The following LYPLAL1 variants were observed in gnomAD, a reference collection of about 807,000 sequenced individuals.
LYPLAL1 encodes the protein lysophospholipase-like protein 1.
LYPLAL1 carries 23 observed loss-of-function variants against 19.7 expected under a neutral mutation model. The observed-to-expected ratio is 1.17, with a 90% CI of 0.84 to 1.65. The LOEUF is 1.65. LYPLAL1 is among the 40% of genes most tolerant of loss of function. LYPLAL1 has a pLI of 0.00. For synonymous variants in LYPLAL1, 119 were observed against 96.3 expected, an observed-to-expected ratio of 1.24 and a Z score of -1.38; for missense variants, 355 against 279.4, an observed-to-expected ratio of 1.27 and a Z score of -1.93.
the LYPLAL1 span, among the ~76,000 whole-genome samples, chr1:219,387,965 G>A: frequency 6.6e-6 from 1 of 152,112 alleles, no homozygotes; most frequent in South Asian, 2.1e-4. Context: ...TTCTCCATCA[G>A]CCTTAGCCTA....
intron 1 of LYPLAL1, chr1:219,175,190 G>T (rs959228080): frequency 2.7e-6 from 2 of 742,458 alleles, no homozygotes; most frequent in Admixed American, 1.3e-4. Context: ...GCGGATTTGG[G>T]ATTAGAACCC....
chr1:219,381,718 AT>A, the LYPLAL1 span, among the ~76,000 whole-genome samples: 9 of 152,358 alleles, frequency 5.9e-5, no homozygotes, highest in African/African-American at 2.2e-4. Flanking sequence ...TATATCTGAA[AT>A]TAATATTATG....
chr1:219,438,729 T>C, the LYPLAL1 span, among the ~76,000 whole-genome samples: 1 of 152,154 alleles, frequency 6.6e-6, no homozygotes, highest in African/African-American at 2.4e-5. Flanking sequence ...CAGCAAAAGA[T>C]CACAAGGCAT....
chr1:219,309,063 T>C, the LYPLAL1 span, among the ~76,000 whole-genome samples: 26 of 152,328 alleles, frequency 1.7e-4, no homozygotes, highest in African/African-American at 6.0e-4. Flanking sequence ...ACCCACCTCT[T>C]GCATCAGCTG....
the LYPLAL1 span, among the ~76,000 whole-genome samples, chr1:219,312,352 C>G: frequency 6.6e-6 from 1 of 152,136 alleles, no homozygotes. Flanking sequence ...TTAGATCAAG[C>G]ACACCCTTTG....
the LYPLAL1 span, among the ~76,000 whole-genome samples, chr1:219,286,871 C>T: frequency 6.6e-6 from 1 of 152,146 alleles, no homozygotes; most frequent in African/African-American, 2.4e-5. Context: ...TGACAGTTTC[C>T]TGTAATGGTT....
the LYPLAL1 span, among the ~76,000 whole-genome samples, chr1:219,418,245 T>C: frequency 5.9e-5 from 9 of 152,222 alleles, no homozygotes; most frequent in Admixed American, 5.2e-4. Flanking sequence ...CCCATTTCAA[T>C]GTCCCCCACT....
chr1:219,299,804 C>T, the LYPLAL1 span, among the ~76,000 whole-genome samples: 1 of 152,222 alleles, frequency 6.6e-6, no homozygotes, highest in African/African-American at 2.4e-5. Context: ...ACCACTTGCC[C>T]TAAAATTTTC....
At chr1:219,235,162 C>T in the LYPLAL1 span, among the ~76,000 whole-genome samples, 1 of 152,090 alleles carries the variant, frequency 6.6e-6, no homozygotes, top group Non-Finnish European at 1.5e-5. Flanking sequence ...GACTGCAGAA[C>T]ACATGCTTTG....
chr1:219,316,603 G>A, the LYPLAL1 span, among the ~76,000 whole-genome samples: 2 of 152,252 alleles, frequency 1.3e-5, no homozygotes, highest in East Asian at 1.9e-4. Context: ...TTTGTCCATA[G>A]CAGCAGTATT....
chr1:219,235,373 T>C, the LYPLAL1 span, among the ~76,000 whole-genome samples: 1 of 152,224 alleles, frequency 6.6e-6, no homozygotes, highest in Non-Finnish European at 1.5e-5. Flanking sequence ...CCTTGATTAC[T>C]ACCAGACCCC....
chr1:219,428,910 T>A, the LYPLAL1 span, among the ~76,000 whole-genome samples: 3 of 151,690 alleles, frequency 2.0e-5, no homozygotes, highest in East Asian at 5.8e-4. Flanking sequence ...TACAGACTAT[T>A]ATAGCAGGGT....
At chr1:219,241,130 C>CTATATA in the LYPLAL1 span, among the ~76,000 whole-genome samples, 202 of 71,008 alleles carry the variant, frequency 2.8e-3, no homozygotes, top group East Asian at 8.0e-3. Context: ...CTCTCTCTCT[C>CTATATA]TCTCTATATA....
the LYPLAL1 span, among the ~76,000 whole-genome samples, chr1:219,224,392 C>G: frequency 1.4e-4 from 21 of 152,012 alleles, no homozygotes; most frequent in Admixed American, 1.2e-3. Flanking sequence ...TCTTAATTAC[C>G]CTATGAAGTG....
chr1:219,346,560 C>T, the LYPLAL1 span, among the ~76,000 whole-genome samples: 1 of 150,708 alleles, frequency 6.6e-6, no homozygotes, highest in South Asian at 2.1e-4. Context: ...CCATTTGGCA[C>T]ACAAACATGT....
chr1:219,327,772 T>G, the LYPLAL1 span, among the ~76,000 whole-genome samples: 20 of 152,118 alleles, frequency 1.3e-4, no homozygotes, highest in Non-Finnish European at 2.1e-4. Context: ...TCTCTTGAGA[T>G]CTGATGGTTT....
At chr1:219,182,485 A>G (rs1187059442) in intron 2 of LYPLAL1, among the ~76,000 whole-genome samples, 1 of 152,120 alleles carries the variant, frequency 6.6e-6, no homozygotes, top group Non-Finnish European at 1.5e-5. Flanking sequence ...TTCTGGTGTC[A>G]TCTACCTTGC....
chr1:219,241,098 A>ATCTCTCTCTCTCTCTC, the LYPLAL1 span, among the ~76,000 whole-genome samples: 15 of 59,228 alleles, frequency 2.5e-4, no homozygotes, highest in African/African-American at 4.6e-4. Flanking sequence ...AATATATATA[A>ATCTCTCTCTCTCTCTC]TCTCTCTCTC....
intron 3 of LYPLAL1, among the ~76,000 whole-genome samples, chr1:219,207,926 C>G (rs1164468088): frequency 1.3e-5 from 2 of 152,028 alleles, no homozygotes; most frequent in Non-Finnish European, 2.9e-5. Flanking sequence ...TGCCCCCACC[C>G]TAACATCATG....
Sources: allele counts gnomAD v4.1 joint callset (sites outside exome capture counted in the v4.1 genomes callset), GRCh38; gene constraint gnomAD v4.1.1; transcripts MANE v1.5; gene names NCBI Gene and HGNC (gene_info 2026-07-23, HGNC 2026-07-21).